Variants in RASSF2 observed in about 807,000 individuals in gnomAD.
RASSF2 encodes Ras association domain family member 2.
RASSF2 carries 34 observed loss-of-function variants against 46.3 expected under a neutral mutation model. The observed-to-expected ratio is 0.73, with a 90% CI of 0.56 to 0.98. The LOEUF is 0.98. Among genes scored for constraint, RASSF2 ranks in the 50% least tolerant of loss-of-function variants. The pLI is 0.00. For synonymous variants in RASSF2, 158 were observed against 162.5 expected (o/e 0.97, Z 0.21); for missense variants, 364 against 431.2 (o/e 0.84, Z 1.38).
chr20:4,798,254 C>A (rs1418503073), intron 3 of RASSF2, among the ~76,000 whole-genome samples, 169 bp from the exon 4 acceptor site: 1 of 152,076 alleles, frequency 6.6e-6, no homozygotes, highest in Admixed American at 6.6e-5. Flanking sequence ...CTGCCACCAC[C>A]ACCCCATAAC....
chr20:4,787,656 G>GGTCC lies in RASSF2; in HGVS notation c.786_789dup (p.Gln264GlyfsTer22). Reference sequence around the variant, plus strand: ...ACGTCGTAGGTGACTTCCTCCACCTGGTCCTTCTCCATTAGGAACACTTTG... The same window carrying GGTCC: ...ACGTCGTAGGTGACTTCCTCCACCTGGTCCGTCCTTCTCCATTAGGAACACTTTG... On this transcript the variant is annotated frameshift_variant, in exon 10 of 12. Coordinates refer to ENST00000379400, the MANE Select transcript of RASSF2 (RefSeq NM_014737.3). LOFTEE classifies it high-confidence loss of function. 6.2e-7 allele frequency: 1 copy of GGTCC among 1,614,128 alleles called. No homozygotes were observed. Among genetic ancestry groups the GGTCC allele is most frequent in the Non-Finnish European group, 8.5e-7 (1 of 1,180,000 alleles).
Position 4,784,300 on chromosome 20 carries a change from C to T in RASSF2, c.954G>A (p.Glu318=), listed in dbSNP as rs1345275381. ...LRLMIRQRLE[E]IAETPATI ...AGATTGTTGCTGGGGTCTCGGCTAT[C>T]TCCTCCAGCCTCTGTCGAATCATTA... The change falls in exon 12 of 12, where the codon GAG becomes GAA. Residue 318 remains glutamate, a synonymous_variant. Transcript: ENST00000379400. 3 of 1,613,844 alleles carry T rather than the reference C, an allele frequency of 1.9e-6. No individual in the cohort carries two copies. The African/African-American group carries it at 4.0e-5, about 22-fold the overall frequency.
At chr20:4,789,364 A>C (rs565106092) in intron 8 of RASSF2, among the ~76,000 whole-genome samples, 1 of 152,214 alleles carries the variant, frequency 6.6e-6, no homozygotes, top group South Asian at 2.1e-4. Flanking sequence ...ACAATTTCTG[A>C]TTTAGTGGGT....
chr20:4,786,269 C>G lies in RASSF2; in HGVS notation c.873G>C (p.Gln291His). ...TCTTTACTTCCCGATCTTCTTCCTC[C>G]TGGAGCTTCTGAATGAAGCTTTTAA... ...PVLKSFIQKL[Q>H]EEEDREVKKL... is the part of the protein sequence containing the mutation. The change falls in exon 11 of 12, where the codon CAG becomes CAC. Residue 291 changes from glutamine (Q) to histidine (H), a missense_variant. Coordinates refer to ENST00000379400, the MANE Select transcript of RASSF2 (RefSeq NM_014737.3). 6.2e-7 allele frequency: 1 copy of G among 1,613,696 alleles called. No individual in the cohort carries two copies. Among genetic ancestry groups the G allele is most frequent in the Non-Finnish European group, 8.5e-7 (1 of 1,179,586 alleles).
intron 2 of RASSF2, among the ~76,000 whole-genome samples, chr20:4,813,652 CAG>C (rs1928036021): frequency 6.6e-6 from 1 of 152,218 alleles, no homozygotes; most frequent in Non-Finnish European, 1.5e-5. Context: ...AGCCACTAAT[CAG>C]AGAGGCAGGG....
intron 2 of RASSF2, among the ~76,000 whole-genome samples, chr20:4,820,707 G>T (rs985979909): frequency 6.6e-6 from 1 of 152,032 alleles, no homozygotes; most frequent in Non-Finnish European, 1.5e-5. Context: ...ACTACAGATT[G>T]AAGATAGAGG....
rs1555791511 is a variant in RASSF2 at position 4,802,882 on chromosome 20, G to GTGTA, written c.-32-1821_-32-1820insTACA. Among the ~76,000 whole-genome samples the GTGTA allele has an allele frequency of 3.0e-3, 402 of 134,516 alleles. 6 individuals are homozygous for GTGTA. Among genetic ancestry groups the GTGTA allele is most frequent in the African/African-American group, 5.2e-3 (183 of 35,460 alleles). 88.2% of individuals were successfully genotyped at this position (134,516 alleles called of 152,430 possible). A position where few individuals can be genotyped will look rare whatever the true frequency, so the allele number is the denominator to read the frequency against. ...TACATATACACGTGTATGTGTGTGT[G>GTGTA]TATATATATATATACATATATATAT... On this transcript the variant is annotated intron_variant, in intron 2 of 11. Coordinates refer to ENST00000379400, the MANE Select transcript of RASSF2 (RefSeq NM_014737.3).
At chr20:4,811,515 G>C (rs74525488) in intron 2 of RASSF2, among the ~76,000 whole-genome samples, 232 of 152,310 alleles carry the variant, frequency 1.5e-3, no homozygotes, top group African/African-American at 5.4e-3. Flanking sequence ...TAGGGAAAGA[G>C]CTGTGTAGAT....
chr20:4,803,356 G>T (rs141667622), intron 2 of RASSF2, among the ~76,000 whole-genome samples: 2 of 152,242 alleles, frequency 1.3e-5, no homozygotes, highest in East Asian at 3.9e-4. Flanking sequence ...CAAGAAAATG[G>T]ACTTGTCTTA....
chr20:4,789,531 C>G, intron 8 of RASSF2, 65 bp downstream of exon 8: 1 of 1,387,810 alleles, frequency 7.2e-7, no homozygotes, highest in Non-Finnish European at 1.0e-6. Flanking sequence ...CCTCGCACAA[C>G]CACTCTAGGA....
chr20:4,801,038 T>C lies in RASSF2; in HGVS notation c.-8A>G. ...TTGGTGGCTGTAGTCCATTCTTCCT[T>C]TCTCTTTTCATCGGAAGGAGAGGCC... On this transcript the variant is annotated 5_prime_UTR_variant, in exon 3 of 12. Transcript: ENST00000379400. The C allele has an allele frequency of 6.2e-7, 1 of 1,613,624 alleles. No homozygotes were observed. The highest frequency in any genetic ancestry group is 8.5e-7 in the Non-Finnish European group (1 of 1,179,492).
intron 2 of RASSF2, among the ~76,000 whole-genome samples, chr20:4,811,298 C>T (rs1927788255): frequency 5.7e-5 from 4 of 70,078 alleles, no homozygotes; most frequent in African/African-American, 1.8e-4. Context: ...TTGCAGTGCG[C>T]TATGATGGTA....
intron 2 of RASSF2, among the ~76,000 whole-genome samples, chr20:4,811,412 A>G (rs1214013136): frequency 1.3e-5 from 2 of 151,888 alleles, no homozygotes; most frequent in Admixed American, 1.3e-4. Flanking sequence ...ATTACATCAG[A>G]CTCTAGGGGA....
rs775394785 is a variant in RASSF2 at position 4,781,385 on chromosome 20, C to T, written c.*2888G>A. 3 of 152,224 alleles carry T rather than the reference C, an allele frequency of 2.0e-5. No homozygotes were observed. The highest frequency in any genetic ancestry group is 3.9e-4 in the East Asian group (2 of 5,178). The allele number at this position is 152,224 out of a possible 1,614,324, so 9.4% of individuals were successfully genotyped here. A position where few individuals can be genotyped will look rare whatever the true frequency, so the allele number is the denominator to read the frequency against. The stretch of plus-strand genomic sequence containing the variant: ...CATGTCTCAGATCAAAATCTTGACC[C>T]GAGGCCTCAGCATTTTTCTTGCAGA... On this transcript the variant is annotated 3_prime_UTR_variant, in exon 12 of 12. Coordinates refer to ENST00000379400, the MANE Select transcript of RASSF2 (RefSeq NM_014737.3).
chr20:4,796,099 C>CA, intron 4 of RASSF2, 133 bp from the exon 5 acceptor site: 1 of 901,592 alleles, frequency 1.1e-6, no homozygotes, highest in Non-Finnish European at 1.5e-6. Context: ...AGGATAGGGG[C>CA]AGCTGCCCAG....
intron 3 of RASSF2, 75 bp downstream of exon 3, chr20:4,800,897 C>A (rs989505202): frequency 7.9e-7 from 1 of 1,271,104 alleles, no homozygotes; most frequent in African/African-American, 1.5e-5. Context: ...CCTCTGCCAG[C>A]GGCTGCCGTC....
intron 2 of RASSF2, among the ~76,000 whole-genome samples, chr20:4,809,455 C>T (rs1927595897): frequency 6.6e-6 from 1 of 152,128 alleles, no homozygotes; most frequent in Non-Finnish European, 1.5e-5. Flanking sequence ...GACAGGCACT[C>T]CCACTTCGGC....
At chr20:4,796,816 G>A (rs1354383822) in intron 4 of RASSF2, among the ~76,000 whole-genome samples, 1 of 152,192 alleles carries the variant, frequency 6.6e-6, no homozygotes, top group African/African-American at 2.4e-5. Context: ...AATCTTGCAT[G>A]GCCCAGCTGC....
rs1927874829 is a variant in RASSF2 at position 4,812,158 on chromosome 20, C to T, written c.-33+10171G>A. Among the ~76,000 whole-genome samples, 3 of 152,188 alleles carry T rather than the reference C, an allele frequency of 2.0e-5. No homozygotes were observed. The South Asian group carries it at 6.2e-4, about 32-fold the overall frequency. Reference sequence around the variant, plus strand: ...TGGCAAGAGATGCCAGATCATGCTTCCCAAACCCAAGCCTGTCCTGGGCAT... The same window carrying T: ...TGGCAAGAGATGCCAGATCATGCTTTCCAAACCCAAGCCTGTCCTGGGCAT... On this transcript the variant is annotated intron_variant, in intron 2 of 11. Coordinates refer to ENST00000379400, the MANE Select transcript of RASSF2 (RefSeq NM_014737.3). The surrounding 1 kb of genome is among the most constrained non-coding windows in gnomAD (Gnocchi z 4.0).
Sources: gnomAD v4.1 joint callset for allele counts (sites outside exome capture counted in the v4.1 genomes callset) on GRCh38, gnomAD v4.1.1 for gene constraint, Gnocchi (gnomAD v3.1) non-coding constraint, MANE v1.5 for transcripts, NCBI Gene and HGNC (gene_info 2026-07-23, HGNC 2026-07-21) for gene names.